KIF17: variants seen among roughly 807,000 people sequenced by gnomAD.
The protein encoded by KIF17 is kinesin family member 17, also known as kinesin-like protein KIF17.
Under a neutral mutation model 96.8 loss-of-function variants are expected in KIF17, and 80 were observed. The ratio of observed to expected loss-of-function variants is 0.83; its 90% CI spans 0.69 to 1.00. KIF17 has a LOEUF of 1.00. Among genes scored for constraint, KIF17 ranks in the 50% least tolerant of loss-of-function variants. The probability of loss-of-function intolerance (pLI) is 0.00; values close to 1 mark genes in which losing one functional copy is unlikely to be tolerated. For missense variants in KIF17, 1,280 were observed against 1,372.9 expected, an observed-to-expected ratio of 0.93 and a Z score of 1.07; for synonymous variants, 567 against 587.5, an observed-to-expected ratio of 0.97 and a Z score of 0.51.
chr1:20,706,625 C>T (rs540484654), intron 4 of KIF17, among the ~76,000 whole-genome samples: 11 of 151,978 alleles, frequency 7.2e-5, no homozygotes, highest in African/African-American at 2.4e-4. Context: ...GGGGCAGTAG[C>T]TCACACCTGT....
chr1:20,716,112 G>C (rs2054573422), intron 1 of KIF17, among the ~76,000 whole-genome samples: 1 of 152,156 alleles, frequency 6.6e-6, no homozygotes, highest in Non-Finnish European at 1.5e-5. Context: ...GCCGGGTGTG[G>C]TGGTGAGCTC....
downstream of KIF17, among the ~76,000 whole-genome samples, chr1:20,662,999 G>A (rs570099567): frequency 2.4e-4 from 36 of 152,240 alleles, no homozygotes; most frequent in African/African-American, 7.2e-4. Context: ...AGGCCGAGGT[G>A]GGCAGATCAC....
Position 20,711,539 on chromosome 1 carries a change from T to C in KIF17, c.481-1711A>G, listed in dbSNP as rs540319191. Among the ~76,000 whole-genome samples, 103 of 152,258 alleles carry C rather than the reference T, an allele frequency of 6.8e-4. 1 individual carries two copies. Among genetic ancestry groups the C allele is most frequent in the African/African-American group, 2.3e-3 (97 of 41,536 alleles). ...ATGAGAGAGGGGAGCATGGCAGGAA[T>C]GTGTCCATCGCTGCCACGGGGAGGG... On this transcript the variant is annotated intron_variant, in intron 3 of 14. Transcript: ENST00000400463.
chr1:20,698,488 G>A lies in KIF17; in HGVS notation c.1124C>T (p.Ala375Val). ...TGGGGGCACCTGCCTGGACAGCAGG[G>A]CTGGGGGAGAAACAGAAATTAGCAG... ...TQQMSPSSLS[A>V]LLSRQVPPDP... is the part of the protein sequence containing the mutation. Residue 375 changes from alanine (A) to valine (V), a missense_variant and splice_region_variant, in exon 6 of 15, where the codon GCC becomes GTC. Transcript: ENST00000400463. 1.2e-6 allele frequency: 2 copies of A among 1,608,918 alleles called. No homozygotes were observed. The highest frequency in any genetic ancestry group is 1.7e-6 in the Non-Finnish European group (2 of 1,176,684).
Position 20,717,406 on chromosome 1 carries a change from AG to A in KIF17, c.231+69del, listed in dbSNP as rs1054922317. The A allele has an allele frequency of 3.2e-6, 5 of 1,548,906 alleles. No homozygotes were observed. In the African/African-American group the frequency reaches 4.1e-5, roughly 13 times the overall value. On this transcript the variant is annotated intron_variant, in intron 1 of 14. Coordinates refer to ENST00000400463, the MANE Select transcript of KIF17 (RefSeq NM_001122819.3). ...TTTCCTCCTGGCTGGGGGGCAGCGC[AG>A]CCCCCTGGGGACTCTCGGGGCGGCC...
intron 6 of KIF17, among the ~76,000 whole-genome samples, chr1:20,697,114 C>CA (rs1326543348): frequency 6.6e-6 from 1 of 152,226 alleles, no homozygotes; most frequent in Admixed American, 6.5e-5. Context: ...GAGATCTCCA[C>CA]AGTCCTTCTC....
intron 6 of KIF17, among the ~76,000 whole-genome samples, chr1:20,696,436 A>T (rs2054140355): frequency 1.3e-5 from 2 of 152,252 alleles, no homozygotes; most frequent in South Asian, 4.1e-4. Context: ...GGTTTCTTGG[A>T]ATCCTGGTGG....
downstream of KIF17, among the ~76,000 whole-genome samples, chr1:20,662,651 C>T (rs1479019571): frequency 6.6e-6 from 1 of 152,188 alleles, no homozygotes. Context: ...GAGTCGGCCA[C>T]GGCACAGGGA....
intron 11 of KIF17, among the ~76,000 whole-genome samples, chr1:20,674,943 A>G (rs1395123096): frequency 6.6e-6 from 1 of 152,074 alleles, no homozygotes; most frequent in East Asian, 1.9e-4. Flanking sequence ...TGAGGTCAGG[A>G]GTTCGAGACC....
At chr1:20,713,727 T>G (rs761829059) in intron 2 of KIF17, among the ~76,000 whole-genome samples, 172 bp from the exon 3 acceptor site, 1 of 151,944 alleles carries the variant, frequency 6.6e-6, no homozygotes, top group Admixed American at 6.6e-5. Context: ...CCTGGCAAGC[T>G]CTCTCCTGTC....
At chr1:20,674,493 G>T (rs1312368176) in intron 11 of KIF17, among the ~76,000 whole-genome samples, 3 of 151,780 alleles carry the variant, frequency 2.0e-5, no homozygotes, top group African/African-American at 7.3e-5. Flanking sequence ...TTGAACTCCT[G>T]GGTTCAAGCG....
chr1:20,704,970 G>A lies in KIF17; in HGVS notation c.671-71C>T. ...ATGTATCGAGGGCAATCAGTGCCAG[G>A]CACTGGGTGCTCAATGCCCACCCAC... On this transcript the variant is annotated intron_variant, in intron 4 of 14. Transcript: ENST00000400463. The surrounding 1 kb of genome is among the most constrained non-coding windows in gnomAD (Gnocchi z 6.8). 7.2e-7 allele frequency: 1 copy of A among 1,389,572 alleles called. No homozygotes were observed. The highest frequency in any genetic ancestry group is 1.0e-6 in the Non-Finnish European group (1 of 994,386). 86.1% of individuals were successfully genotyped at this position (1,389,572 alleles called of 1,614,324 possible). A position where few individuals can be genotyped will look rare whatever the true frequency, so the allele number is the denominator to read the frequency against.
At chr1:20,666,512 G>T (rs558637869) in intron 13 of KIF17, among the ~76,000 whole-genome samples, 181 bp from the exon 14 acceptor site, 1 of 152,292 alleles carries the variant, frequency 6.6e-6, no homozygotes, top group East Asian at 1.9e-4. Flanking sequence ...GGACTCGGGG[G>T]TGGGATCCCA....
intron 2 of KIF17, among the ~76,000 whole-genome samples, chr1:20,715,065 A>G (rs1201117380): frequency 6.6e-6 from 1 of 152,226 alleles, no homozygotes; most frequent in African/African-American, 2.4e-5. Flanking sequence ...CTTGGCCAAT[A>G]AAGGCTCAGT....
intron 8 of KIF17, chr1:20,686,484 G>GAC (rs1331498483): frequency 6.3e-5 from 20 of 318,492 alleles, no homozygotes; most frequent in Non-Finnish European, 7.8e-5. Context: ...CACACACACA[G>GAC]ACACACACAC....
Position 20,717,689 on chromosome 1 carries a change from C to A in KIF17, c.18G>T (p.Val6=), listed in dbSNP as rs1363786152. MASEA[V]KVVVRCRPMN... ...TGGGACGGCAGCGCACGACAACCTT[C>A]ACCGCCTCGGAGGCCATGGCGCCGC... Residue 6 remains valine (V), a synonymous_variant, in exon 1 of 15, where the codon GTG becomes GTT. Coordinates refer to ENST00000400463, the MANE Select transcript of KIF17 (RefSeq NM_001122819.3). 1.9e-6 allele frequency: 3 copies of A among 1,596,358 alleles called. No individual in the cohort carries two copies. Among genetic ancestry groups the A allele is most frequent in the Non-Finnish European group, 2.5e-6 (3 of 1,176,866 alleles).
rs2054398748 is a variant in KIF17, at chr1:20,709,495, G to A, written c.670+144C>T. The A allele has an allele frequency of 5.9e-6, 5 of 847,416 alleles. No individual in the cohort carries two copies. The highest frequency in any genetic ancestry group is 4.0e-5 in the Admixed American group (2 of 50,410). The allele number at this position is 847,416 out of a possible 1,614,324, so 52.5% of individuals were successfully genotyped here. ...GGGAACACGGGTCCCAGCATCCCAA[G>A]GGTCCTCTTGGGTTTCCTCCAGGCT... On this transcript the variant is annotated intron_variant, in intron 4 of 14. Coordinates refer to ENST00000400463, the MANE Select transcript of KIF17 (RefSeq NM_001122819.3). The surrounding 1 kb of genome is among the most constrained non-coding windows in gnomAD (Gnocchi z 4.7).
Position 20,690,333 on chromosome 1 carries a change from C to T in KIF17, c.1236G>A (p.Glu412=). Residue 412 remains glutamate, a splice_region_variant and synonymous_variant, in exon 7 of 15, where the codon GAG becomes GAA. Transcript: ENST00000400463. ...VEAEKQLIRE[E]YEERLARLKA... ...TCAGCCGGGCCAGGCGCTCTTCATACTCCTGGGGGGGTGGGAGGGACCAGA... is the reference window on the plus strand; with the variant it reads ...TCAGCCGGGCCAGGCGCTCTTCATATTCCTGGGGGGGTGGGAGGGACCAGA... 1 of 651,826 alleles carries T rather than the reference C, an allele frequency of 1.5e-6. No individual in the cohort carries two copies. Among genetic ancestry groups the T allele is most frequent in the Non-Finnish European group, 2.6e-6 (1 of 381,956 alleles). 40.4% of individuals were successfully genotyped at this position (651,826 alleles called of 1,614,324 possible).
At chr1:20,702,337 A>G (rs2054252570) in intron 5 of KIF17, among the ~76,000 whole-genome samples, 1 of 149,110 alleles carries the variant, frequency 6.7e-6, no homozygotes. Context: ...GGATGCTAAC[A>G]GCTATCCTGG....
Sources: allele counts gnomAD v4.1 joint callset (sites outside exome capture counted in the v4.1 genomes callset), GRCh38; gene constraint gnomAD v4.1.1; non-coding constraint Gnocchi (gnomAD v3.1); transcripts MANE v1.5; gene names NCBI Gene and HGNC (gene_info 2026-07-23, HGNC 2026-07-21).